The following UXS1 variants were observed in gnomAD, a reference collection of about 807,000 sequenced individuals.
UXS1 encodes UDP-glucuronate decarboxylase 1.
In UXS1, 33 loss-of-function variants were observed where a neutral mutation model predicts 62.6. The observed-to-expected ratio is 0.53, with a 90% CI of 0.40 to 0.70. The LOEUF (loss-of-function observed/expected upper bound fraction) is 0.70. Among genes scored for constraint, UXS1 ranks in the 30% least tolerant of loss-of-function variants. The pLI, the probability that UXS1 is intolerant of heterozygous loss-of-function variation, is 0.00. For missense variants in UXS1, 434 were observed against 556.3 expected (o/e 0.78, Z 2.21); for synonymous variants, 213 against 206.8 (o/e 1.03, Z -0.26).
chr2:106,096,794 G>A lies in UXS1; in HGVS notation c.1070C>T (p.Ser357Phe), dbSNP rs1677148599. ...TTTCTGTGGGTCATCCTGGGCTTCG[G>A]AGAGAAACTGAATTTCACTTCCGCT... is the stretch of plus-strand genomic sequence containing the variant. ...VGSGSEIQFLSEAQDDPQKRK... is the reference protein window; with the variant it reads ...VGSGSEIQFLFEAQDDPQKRK... Residue 357 changes from serine to phenylalanine, a missense_variant, in exon 14 of 15, where the codon TCC becomes TTC. Around this residue, in one of 3 missense-constraint regions of UXS1, gnomAD observed 209 missense variants for 233.3 expected, o/e 0.90. Coordinates refer to ENST00000283148, the MANE Select transcript of UXS1 (RefSeq NM_001253875.2). The A allele has an allele frequency of 6.3e-7, 1 of 1,591,182 alleles. No homozygotes were observed. Among genetic ancestry groups the A allele is most frequent in the Non-Finnish European group, 8.6e-7 (1 of 1,167,354 alleles).
intron 1 of UXS1, among the ~76,000 whole-genome samples, chr2:106,175,957 A>G (rs1302832935): frequency 6.6e-6 from 1 of 152,206 alleles, no homozygotes; most frequent in African/African-American, 2.4e-5. Flanking sequence ...CCTTTAATCT[A>G]TTGATGCTCA....
intron 1 of UXS1, among the ~76,000 whole-genome samples, chr2:106,178,519 TC>T (rs1684036026): frequency 3.1e-4 from 2 of 6,364 alleles, no homozygotes; most frequent in Non-Finnish European, 3.9e-3. Context: ...CATATACAAG[TC>T]TATGTATATG....
chr2:106,183,240 T>TAAAAAAAAAAAAAAAAAA (rs56060452), intron 1 of UXS1, among the ~76,000 whole-genome samples: 1 of 135,958 alleles, frequency 7.4e-6, no homozygotes, highest in African/African-American at 2.7e-5. Context: ...AAGTCTTTTT[T>TAAAAAAAAAAAAAAAAAA]AAAAAAAAAA....
At chr2:106,190,053 G>T (rs1475799228) in intron 1 of UXS1, among the ~76,000 whole-genome samples, 3 of 152,178 alleles carry the variant, frequency 2.0e-5, no homozygotes, top group Non-Finnish European at 4.4e-5. Context: ...TCAGGAAGGG[G>T]TGCTGACCAA....
At chr2:106,152,441 GGAAAGAAAAGAAAGAAAA>G (rs1203328687) in intron 5 of UXS1, among the ~76,000 whole-genome samples, 1 of 133,604 alleles carries the variant, frequency 7.5e-6, no homozygotes, top group South Asian at 2.8e-4. Flanking sequence ...GACAAAGTGA[GGAAAGAAAAGAAAGAAAA>G]GAAAGAAAAG....
At chr2:106,181,233 TAC>T (rs961785093) in intron 1 of UXS1, among the ~76,000 whole-genome samples, 1 of 152,144 alleles carries the variant, frequency 6.6e-6, no homozygotes, top group African/African-American at 2.4e-5. Flanking sequence ...AGCAGCCCTG[TAC>T]TCTTCTTCCC....
intron 5 of UXS1, 60 bp from the exon 6 acceptor site, chr2:106,145,430 G>A: frequency 1.3e-6 from 2 of 1,524,844 alleles, no homozygotes; most frequent in Non-Finnish European, 1.8e-6. Flanking sequence ...ACACAGTGAG[G>A]ACCAGCTCCA....
chr2:106,141,512 G>A (rs764772683), intron 6 of UXS1, among the ~76,000 whole-genome samples: 1 of 152,086 alleles, frequency 6.6e-6, no homozygotes, highest in East Asian at 1.9e-4. Context: ...CCAGGCTGGA[G>A]TGCGGTGCAG....
chr2:106,104,550 A>C (rs1249541434), intron 11 of UXS1, among the ~76,000 whole-genome samples: 1 of 152,196 alleles, frequency 6.6e-6, no homozygotes, highest in Non-Finnish European at 1.5e-5. Flanking sequence ...TCACCCACAC[A>C]CCGCTAGGTG....
chr2:106,147,184 C>T (rs1681648289), intron 5 of UXS1, among the ~76,000 whole-genome samples: 1 of 151,884 alleles, frequency 6.6e-6, no homozygotes, highest in African/African-American at 2.4e-5. Context: ...AGTGGGCCCC[C>T]TCTTGGCCAA....
chr2:106,104,881 C>G (rs191867580), intron 10 of UXS1, 44 bp from the exon 11 acceptor site: 1 of 1,612,778 alleles, frequency 6.2e-7, no homozygotes. Context: ...AAACCACACC[C>G]GTCCTGCGTA....
intron 7 of UXS1, among the ~76,000 whole-genome samples, 187 bp downstream of exon 7, chr2:106,129,487 T>C (rs150429458): frequency 1.2e-3 from 190 of 152,302 alleles, no homozygotes; most frequent in African/African-American, 4.1e-3. Flanking sequence ...CTCCATGACA[T>C]ACTCTGATGA....
intron 6 of UXS1, among the ~76,000 whole-genome samples, chr2:106,131,059 C>T (rs1226835493): frequency 6.7e-6 from 1 of 149,818 alleles, no homozygotes; most frequent in Non-Finnish European, 1.5e-5. Context: ...GCACCGTGCG[C>T]GAGCCGAAGC....
chr2:106,154,604 C>T (rs1018090547), intron 5 of UXS1, among the ~76,000 whole-genome samples: 1 of 152,178 alleles, frequency 6.6e-6, no homozygotes, highest in Non-Finnish European at 1.5e-5. Flanking sequence ...TTCAGAGGGG[C>T]ATAGGCATGG....
At chr2:106,154,313 C>T (rs191438071) in intron 5 of UXS1, among the ~76,000 whole-genome samples, 7 of 152,314 alleles carry the variant, frequency 4.6e-5, no homozygotes, top group African/African-American at 1.7e-4. Context: ...ATTTTGAAAA[C>T]AGATGTACTA....
chr2:106,098,868 CG>C, intron 12 of UXS1, 95 bp from the exon 13 acceptor site: 1 of 1,105,244 alleles, frequency 9.0e-7, no homozygotes, highest in African/African-American at 1.6e-5. Flanking sequence ...GTCTACTGGC[CG>C]AGTCTGACCT....
At chr2:106,183,207 T>C (rs1684350777) in intron 1 of UXS1, among the ~76,000 whole-genome samples, 1 of 145,040 alleles carries the variant, frequency 6.9e-6, no homozygotes, top group Non-Finnish European at 1.5e-5. Flanking sequence ...GTTCTGTTGC[T>C]GATAAAACCC....
chr2:106,141,137 G>A (rs1306792656), intron 6 of UXS1, among the ~76,000 whole-genome samples: 1 of 152,188 alleles, frequency 6.6e-6, no homozygotes, highest in East Asian at 1.9e-4. Flanking sequence ...AACAAGTAAT[G>A]CTGAAGGGAA....
chr2:106,140,962 A>G (rs1681051681), intron 6 of UXS1, among the ~76,000 whole-genome samples: 1 of 152,254 alleles, frequency 6.6e-6, no homozygotes, highest in African/African-American at 2.4e-5. Flanking sequence ...GGTGCTCTGT[A>G]GCAGGACCCT....
Sources: gnomAD v4.1 joint callset for allele counts (sites outside exome capture counted in the v4.1 genomes callset) on GRCh38, gnomAD v4.1.1 for gene constraint, gnomAD v4.1.1 regional missense constraint, MANE v1.5 for transcripts, NCBI Gene and HGNC (gene_info 2026-07-23, HGNC 2026-07-21) for gene names.